The following TTC12 variants were observed in gnomAD, a reference collection of about 807,000 sequenced individuals.
The protein encoded by TTC12 is tetratricopeptide repeat protein 12.
A neutral mutation model predicts 90.1 loss-of-function variants in TTC12; 70 were observed. The ratio of observed to expected loss-of-function variants is 0.78; its 90% confidence interval spans 0.64 to 0.95. TTC12 has a LOEUF of 0.95. Ranked by LOEUF, TTC12 falls within the 40% of genes least tolerant of loss-of-function variation. The pLI, the probability that TTC12 is intolerant of heterozygous loss-of-function variation, is 0.00. For synonymous variants in TTC12, 296 were observed against 311.5 expected, an observed-to-expected ratio of 0.95 and a Z score of 0.53; for missense variants, 819 against 846.1, an observed-to-expected ratio of 0.97 and a Z score of 0.40.
At chr11:113,366,030 G>T (rs1017896732) in intron 21 of TTC12, among the ~76,000 whole-genome samples, 195 bp from the exon 22 acceptor site, 1 of 152,274 alleles carries the variant, frequency 6.6e-6, no homozygotes, top group South Asian at 2.1e-4. Context: ...TCAGTGCTTT[G>T]TGGGCCTCCC....
At chr11:113,341,046 A>T (rs971849854) in intron 11 of TTC12, among the ~76,000 whole-genome samples, 1 of 152,192 alleles carries the variant, frequency 6.6e-6, no homozygotes, top group Non-Finnish European at 1.5e-5. Context: ...CCTGGCCAAC[A>T]TGGTGAAACC....
intron 7 of TTC12, among the ~76,000 whole-genome samples, chr11:113,332,617 C>T (rs1948129602): frequency 6.6e-6 from 1 of 152,160 alleles, no homozygotes; most frequent in Admixed American, 6.5e-5. Context: ...ACAGTTACTC[C>T]CTTACAGCTC....
Position 113,362,484 on chromosome 11 carries a change from A to G in TTC12, c.1698A>G (p.Lys566=). The G allele has an allele frequency of 1.2e-6, 2 of 1,611,958 alleles. No homozygotes were observed. The highest frequency in any genetic ancestry group is 1.7e-6 in the Non-Finnish European group (2 of 1,178,002). ...CCTTGCGAGCAGGAGTGGTAAAGAAAATGATGAAATTCCTGAAGGTAAGAT... is the reference window on the plus strand; with the variant it reads ...CCTTGCGAGCAGGAGTGGTAAAGAAGATGATGAAATTCCTGAAGGTAAGAT... The part of the protein sequence containing the change: ...EEALRAGVVK[K]MMKFLKTGGE... The change falls in exon 19 of 22, where the codon AAA becomes AAG. Residue 566 remains lysine, a synonymous_variant. Transcript: ENST00000529221.
intron 12 of TTC12, among the ~76,000 whole-genome samples, chr11:113,343,668 G>A (rs1337024885): frequency 6.6e-6 from 1 of 152,126 alleles, no homozygotes; most frequent in Non-Finnish European, 1.5e-5. Flanking sequence ...GCCTCATACT[G>A]CAGTCTGTAC....
intron 18 of TTC12, among the ~76,000 whole-genome samples, chr11:113,361,492 C>T (rs1949919390): frequency 6.6e-6 from 1 of 152,132 alleles, no homozygotes; most frequent in Admixed American, 6.5e-5. Context: ...CCTTATAATA[C>T]CCTGGAGAGG....
intron 7 of TTC12, among the ~76,000 whole-genome samples, chr11:113,332,331 G>A (rs782544051): frequency 2.0e-5 from 3 of 152,196 alleles, no homozygotes; most frequent in Admixed American, 1.3e-4. Flanking sequence ...AGCCTTTTGC[G>A]TCATTGTCTG....
rs536827915 is a variant in TTC12 at position 113,359,207 on chromosome 11, A to G, written c.1447-156A>G. ...AAGTCTCCTGGACCAACACTAACTC[A>G]TAGAACTGGTCTCTGATCCTCCACC... On this transcript the variant is annotated intron_variant, in intron 16 of 21. Transcript: ENST00000529221. Among the ~76,000 whole-genome samples the G allele has an allele frequency of 1.7e-4, 26 of 152,124 alleles. No homozygotes were observed. The East Asian group carries it at 4.8e-3, about 28-fold the overall frequency.
rs782305458 is a variant in TTC12, at chr11:113,339,173, C to CT, written c.638-110dup. ...ACGAAGAGTTTTAATTATTTTAATGCTTTATGCTTCTCAAACTCCCATCCT... is the reference window on the plus strand; with the variant it reads ...ACGAAGAGTTTTAATTATTTTAATGCTTTTATGCTTCTCAAACTCCCATCCT... On this transcript the variant is annotated intron_variant, in intron 9 of 21. Transcript: ENST00000529221. 398 of 844,438 alleles carry CT rather than the reference C, an allele frequency of 4.7e-4. 2 individuals are homozygous for CT. The highest frequency in any genetic ancestry group is 2.3e-4 in the Non-Finnish European group (129 of 556,634). The allele number at this position is 844,438 out of a possible 1,614,324, so 52.3% of individuals were successfully genotyped here. A position where few individuals can be genotyped will look rare whatever the true frequency, so the allele number is the denominator to read the frequency against.
intron 4 of TTC12, 87 bp from the exon 5 acceptor site, chr11:113,324,518 C>T: frequency 8.9e-7 from 1 of 1,127,066 alleles, no homozygotes; most frequent in Non-Finnish European, 1.3e-6. Flanking sequence ...ACGTGTGGCT[C>T]TAAAGTAACA....
At position 113,324,150 on chromosome 11, in the gene TTC12, C is replaced by T. The variant is rs1591523844; in HGVS notation, c.244+135C>T. On this transcript the variant is annotated intron_variant, in intron 4 of 21. Coordinates refer to ENST00000529221, the MANE Select transcript of TTC12 (RefSeq NM_017868.4). Reference sequence around the variant, plus strand: ...GTGAACAAAAACCTACTGATCATCCCATTCTGTTACTAGTGATCAGCGGGA... The same window carrying T: ...GTGAACAAAAACCTACTGATCATCCTATTCTGTTACTAGTGATCAGCGGGA... 4.5e-6 allele frequency: 3 copies of T among 667,222 alleles called. No homozygotes were observed. In the East Asian group the frequency reaches 8.3e-5, roughly 18 times the overall value. The allele number at this position is 667,222 out of a possible 1,614,324, so 41.3% of individuals were successfully genotyped here. A position where few individuals can be genotyped will look rare whatever the true frequency, so the allele number is the denominator to read the frequency against.
intron 7 of TTC12, 84 bp from the exon 8 acceptor site, chr11:113,334,882 A>T: frequency 1.8e-6 from 2 of 1,125,232 alleles, no homozygotes; most frequent in Non-Finnish European, 2.6e-6. Context: ...GTTTCGCCTT[A>T]ACTCTTTTAG....
intron 17 of TTC12, 47 bp from the exon 18 acceptor site, chr11:113,359,893 T>A: frequency 6.8e-7 from 1 of 1,471,934 alleles, no homozygotes; most frequent in Non-Finnish European, 9.3e-7. Flanking sequence ...AGAATTCAGA[T>A]TGTCAGAAAA....
chr11:113,352,916 A>AT (rs1170235254), intron 16 of TTC12, among the ~76,000 whole-genome samples: 1 of 152,176 alleles, frequency 6.6e-6, no homozygotes, highest in Non-Finnish European at 1.5e-5. Context: ...GTGAACATAT[A>AT]TGTGCATGTG....
chr11:113,345,135 T>C (rs1156708095), intron 13 of TTC12, among the ~76,000 whole-genome samples: 2 of 152,246 alleles, frequency 1.3e-5, no homozygotes, highest in Non-Finnish European at 2.9e-5. Context: ...ACATATGAAA[T>C]TGCCACTTAT....
chr11:113,333,449 A>G (rs1238291153), intron 7 of TTC12, among the ~76,000 whole-genome samples: 1 of 151,958 alleles, frequency 6.6e-6, no homozygotes, highest in Non-Finnish European at 1.5e-5. Flanking sequence ...TGTAGCATTT[A>G]TATGCTTTTT....
intron 2 of TTC12, among the ~76,000 whole-genome samples, chr11:113,320,047 T>A (rs1947203748): frequency 6.6e-6 from 1 of 151,640 alleles, no homozygotes; most frequent in Non-Finnish European, 1.5e-5. Context: ...AAAAAGAAAA[T>A]CTCTTCAACA....
At position 113,344,414 on chromosome 11, in the gene TTC12, G is replaced by A. The variant is rs1555147364; in HGVS notation, c.1128G>A (p.Leu376=). 1 of 1,613,986 alleles carries A rather than the reference G, an allele frequency of 6.2e-7. No homozygotes were observed. Among genetic ancestry groups the A allele is most frequent in the Non-Finnish European group, 8.5e-7 (1 of 1,179,976 alleles). Residue 376 remains leucine, a synonymous_variant, in exon 13 of 22, where the codon CTG becomes CTA. Transcript: ENST00000529221. ...CCCAGACTGAGAGCGGACGGAGCCT[G>A]ATCATCAACCACCTTGACCTGACCA... The part of the protein sequence containing the change: ...HLAQTESGRS[L]IINHLDLTRL...
chr11:113,325,734 G>A, intron 6 of TTC12, 89 bp downstream of exon 6: 3 of 1,537,282 alleles, frequency 2.0e-6, no homozygotes, highest in South Asian at 1.2e-5. Flanking sequence ...TAGATGTTGG[G>A]CTGGGAAATG....
intron 16 of TTC12, among the ~76,000 whole-genome samples, chr11:113,355,166 T>C (rs533093067): frequency 6.6e-6 from 1 of 152,316 alleles, no homozygotes; most frequent in South Asian, 2.1e-4. Flanking sequence ...GGATTCAATT[T>C]TTTTCCTGGT....
Sources: gnomAD v4.1 joint callset for allele counts (sites outside exome capture counted in the v4.1 genomes callset) on GRCh38, gnomAD v4.1.1 for gene constraint, MANE v1.5 for transcripts, NCBI Gene and HGNC (gene_info 2026-07-23, HGNC 2026-07-21) for gene names.